Variants in PID1 observed in about 807,000 individuals in gnomAD.
PID1 encodes the protein PTB-containing, cubilin and LRP1-interacting protein.
Under a neutral mutation model 19.1 loss-of-function variants are expected in PID1, and 10 were observed. The observed-to-expected ratio is 0.52, with a 90% CI of 0.32 to 0.89. The LOEUF (loss-of-function observed/expected upper bound fraction) is 0.89. Among genes scored for constraint, PID1 ranks in the 40% least tolerant of loss-of-function variants. The pLI is 0.03. For synonymous variants in PID1, 130 were observed against 116.0 expected, an observed-to-expected ratio of 1.12 and a Z score of -0.78; for missense variants, 248 against 285.3, an observed-to-expected ratio of 0.87 and a Z score of 0.94.
intron 1 of PID1, among the ~76,000 whole-genome samples, chr2:229,230,147 C>G (rs12612190): frequency 0.46 from 70,175 of 151,994 alleles, 17,096 homozygotes; most frequent in East Asian, 0.76. Flanking sequence ...GCCTGGGAAA[C>G]GGGGCCAATC....
rs1287677457 is a variant in PID1, at chr2:229,163,672, T to TGCGC, written c.31-7709_31-7708insGCGC. 1.5e-4 allele frequency among the ~76,000 whole-genome samples: 4 copies of TGCGC among 25,954 alleles called. No individual in the cohort carries two copies. In the Admixed American group the frequency reaches 2.9e-3, roughly 19 times the overall value. 17.0% of individuals were successfully genotyped at this position (25,954 alleles called of 152,430 possible). ...GAGAGTGTGTGTGTGTGTGTGTGTG[T>TGCGC]GTGCGTGTGCGTGTGTGTGTGTGTA... On this transcript the variant is annotated intron_variant, in intron 1 of 2. Coordinates refer to ENST00000392055, the MANE Select transcript of PID1 (RefSeq NM_001100818.2).
intron 1 of PID1, among the ~76,000 whole-genome samples, chr2:229,241,245 T>G (rs1211458733): frequency 6.6e-6 from 1 of 152,138 alleles, no homozygotes; most frequent in Non-Finnish European, 1.5e-5. Context: ...CCTGCCAGAA[T>G]TTTTTTAGTT....
chr2:229,150,149 G>A (rs917972896), intron 2 of PID1, among the ~76,000 whole-genome samples: 2 of 150,826 alleles, frequency 1.3e-5, no homozygotes, highest in Admixed American at 1.3e-4. Flanking sequence ...CAGGAGAATC[G>A]CTTGAACCTG....
At chr2:229,237,994 A>G (rs1689762160) in intron 1 of PID1, among the ~76,000 whole-genome samples, 1 of 152,250 alleles carries the variant, frequency 6.6e-6, no homozygotes, top group African/African-American at 2.4e-5. Flanking sequence ...TGGAGCTAGT[A>G]TCAAACTAAT....
chr2:229,187,759 T>C (rs1691164835), intron 1 of PID1, among the ~76,000 whole-genome samples: 1 of 152,172 alleles, frequency 6.6e-6, no homozygotes, highest in Non-Finnish European at 1.5e-5. Flanking sequence ...AAAAATCCTC[T>C]TTCGAATCCA....
chr2:229,150,682 AGTTT>A (rs775771830), intron 2 of PID1, among the ~76,000 whole-genome samples: 2 of 152,170 alleles, frequency 1.3e-5, no homozygotes, highest in Non-Finnish European at 2.9e-5. Flanking sequence ...GTTATGTGTC[AGTTT>A]GTTTGTTACA....
At chr2:229,137,043 G>A (rs1689871261) in intron 2 of PID1, among the ~76,000 whole-genome samples, 1 of 152,136 alleles carries the variant, frequency 6.6e-6, no homozygotes. Flanking sequence ...GAAATGCAAA[G>A]GGAAGATGAG....
intron 1 of PID1, among the ~76,000 whole-genome samples, chr2:229,185,529 C>G (rs1173832400): frequency 2.0e-5 from 3 of 152,112 alleles, no homozygotes; most frequent in African/African-American, 7.2e-5. Context: ...CTGGGGAGGC[C>G]TCACAATCAT....
At chr2:229,131,201 C>A (rs1689732684) in intron 2 of PID1, among the ~76,000 whole-genome samples, 1 of 151,228 alleles carries the variant, frequency 6.6e-6, no homozygotes, top group South Asian at 2.1e-4. Flanking sequence ...CTACATTTTT[C>A]TTTTCTTTTC....
chr2:229,205,730 G>A (rs1351640862), intron 1 of PID1, among the ~76,000 whole-genome samples: 3 of 152,114 alleles, frequency 2.0e-5, no homozygotes, highest in African/African-American at 7.2e-5. Flanking sequence ...CTTAAGAGAT[G>A]CAAAAGGCCT....
At chr2:229,065,443 G>A (rs1265843437) in intron 2 of PID1, among the ~76,000 whole-genome samples, 1 of 152,000 alleles carries the variant, frequency 6.6e-6, no homozygotes, top group African/African-American at 2.4e-5. Flanking sequence ...ATTGTCTGCT[G>A]GAAGTATTTG....
chr2:229,069,143 T>TGTGTG (rs1553559154), intron 2 of PID1, among the ~76,000 whole-genome samples: 25,683 of 140,324 alleles, frequency 0.18, 2,446 homozygotes, highest in Admixed American at 0.21. Flanking sequence ...AGAAGGGTTT[T>TGTGTG]TGTGTGTGTG....
intron 2 of PID1, among the ~76,000 whole-genome samples, chr2:229,130,672 C>T (rs1276333789): frequency 6.6e-6 from 1 of 152,120 alleles, no homozygotes; most frequent in African/African-American, 2.4e-5. Flanking sequence ...AGACTGTGTT[C>T]CTGGAGGGCT....
intron 1 of PID1, among the ~76,000 whole-genome samples, chr2:229,218,505 A>C (rs1208121139): frequency 6.6e-6 from 1 of 152,154 alleles, no homozygotes; most frequent in Non-Finnish European, 1.5e-5. Context: ...CAGCAACAGC[A>C]CAAGGCAGGA....
intron 2 of PID1, among the ~76,000 whole-genome samples, 191 bp from the exon 3 acceptor site, chr2:229,026,299 A>G (rs1693421594): frequency 6.6e-6 from 1 of 152,230 alleles, no homozygotes; most frequent in Admixed American, 6.5e-5. Context: ...CCTACTTGGC[A>G]AATGTATTGA....
intron 2 of PID1, among the ~76,000 whole-genome samples, chr2:229,045,825 A>G (rs1247611229): frequency 6.6e-6 from 1 of 152,210 alleles, no homozygotes; most frequent in African/African-American, 2.4e-5. Flanking sequence ...CCACTCCCAC[A>G]GCCTTCTCTG....
intron 2 of PID1, among the ~76,000 whole-genome samples, chr2:229,146,366 T>A (rs564556975): frequency 2.0e-5 from 3 of 152,182 alleles, no homozygotes. Context: ...TTAGGACAAA[T>A]ACCTAATGCA....
intron 2 of PID1, among the ~76,000 whole-genome samples, chr2:229,099,588 A>C (rs1424943611): frequency 6.6e-6 from 1 of 152,152 alleles, no homozygotes; most frequent in Non-Finnish European, 1.5e-5. Context: ...TTAGAATGGC[A>C]TTCTGAATGT....
intron 1 of PID1, among the ~76,000 whole-genome samples, chr2:229,156,899 G>A (rs1482250828): frequency 1.3e-5 from 2 of 152,108 alleles, no homozygotes; most frequent in Non-Finnish European, 2.9e-5. Context: ...TTACTATTCT[G>A]AGAATAAACC....
Sources: gnomAD v4.1 joint callset for allele counts (sites outside exome capture counted in the v4.1 genomes callset) on GRCh38, gnomAD v4.1.1 for gene constraint, MANE v1.5 for transcripts, NCBI Gene and HGNC (gene_info 2026-07-23, HGNC 2026-07-21) for gene names.